The following RUFY3 variants were observed in gnomAD, a reference collection of about 807,000 sequenced individuals.
The protein encoded by RUFY3 is protein RUFY3.
A neutral mutation model predicts 84.0 loss-of-function variants in RUFY3; 34 were observed. The observed-to-expected ratio is 0.40, with a 90% CI of 0.31 to 0.54. The LOEUF is 0.54. RUFY3 is among the 20% of genes least tolerant of loss of function. The pLI is 0.39. For missense variants in RUFY3, 507 were observed against 736.8 expected (o/e 0.69, Z 3.61); for synonymous variants, 242 against 252.9 (o/e 0.96, Z 0.41).
At chr4:70,733,024 G>A (rs1358459509) in intron 1 of RUFY3, among the ~76,000 whole-genome samples, 3 of 150,206 alleles carry the variant, frequency 2.0e-5, no homozygotes, top group African/African-American at 7.4e-5. Context: ...CCAAGATCGC[G>A]CCACTGCACT....
chr4:70,794,802 C>G lies in RUFY3; in HGVS notation c.1465C>G (p.Leu489Val). The G allele has an allele frequency of 6.2e-7, 1 of 1,609,624 alleles. No homozygotes were observed. Among genetic ancestry groups the G allele is most frequent in the Non-Finnish European group, 8.5e-7 (1 of 1,176,482 alleles). ...VEELTRQRNQ[L>V]ELELKQEKER... ...CTCTCCAACTTACCTCAGGAACCAG[C>G]TTGAGTTAGAACTAAAACAGGAAAA... is the stretch of plus-strand genomic sequence containing the variant. The change falls in exon 14 of 18, where the codon CTT (leucine) becomes GTT (valine). Residue 489 changes from leucine to valine, a missense_variant. By Grantham distance (32) the Leu-to-Val change is conservative. This residue lies in a region of RUFY3 where 334 missense variants were observed against 364.1 expected (regional missense o/e 0.92). Transcript: ENST00000381006.
intron 12 of RUFY3, among the ~76,000 whole-genome samples, chr4:70,791,059 T>C (rs1401716382): frequency 1.3e-5 from 2 of 152,204 alleles, no homozygotes; most frequent in East Asian, 3.8e-4. Context: ...ATGTATCAAA[T>C]TTCTTTTCAA....
At chr4:70,787,280 T>C (rs1578219518) in intron 10 of RUFY3, among the ~76,000 whole-genome samples, 3 of 142,868 alleles carry the variant, frequency 2.1e-5, no homozygotes, top group South Asian at 2.2e-4. Context: ...TTTTTTGAGA[T>C]GGAGTCTTGC....
intron 1 of RUFY3, among the ~76,000 whole-genome samples, chr4:70,741,162 AT>A (rs767040156): frequency 0.034 from 4,918 of 142,836 alleles, 149 homozygotes; most frequent in African/African-American, 0.051. Context: ...AAGTATTTGG[AT>A]TTTTTTTTTT....
chr4:70,802,867 T>A (rs1349478943), intron 15 of RUFY3, 89 bp from the exon 16 acceptor site: 10 of 867,314 alleles, frequency 1.2e-5, no homozygotes, highest in Middle Eastern at 2.4e-4. Flanking sequence ...TTGAAAAAAA[T>A]GTTTGTATTC....
At position 70,755,950 on chromosome 4, in the gene RUFY3, CG is replaced by C. The variant is rs201102866; in HGVS notation, c.179-6568del. 9.4e-3 allele frequency among the ~76,000 whole-genome samples: 1,284 copies of C among 137,208 alleles called. 15 individuals are homozygous for C. Among genetic ancestry groups the C allele is most frequent in the African/African-American group, 0.035 (1,224 of 35,414 alleles). 90.0% of individuals were successfully genotyped at this position (137,208 alleles called of 152,430 possible). ...CGGGTGACAGAGCGAGATTCTGTCT[CG>C]AAAAAAAAAAAAAGGAAAAAAAGAA... On this transcript the variant is annotated intron_variant, in intron 1 of 17. Coordinates refer to ENST00000381006, the MANE Select transcript of RUFY3 (RefSeq NM_001037442.4).
chr4:70,779,682 A>G (rs1212779310), intron 8 of RUFY3, among the ~76,000 whole-genome samples: 1 of 150,750 alleles, frequency 6.6e-6, no homozygotes, highest in Non-Finnish European at 1.5e-5. Flanking sequence ...CCCCGGGCTC[A>G]AGTGATCTCC....
chr4:70,794,371 A>G (rs1177241231), intron 13 of RUFY3, among the ~76,000 whole-genome samples: 1 of 152,206 alleles, frequency 6.6e-6, no homozygotes, highest in Non-Finnish European at 1.5e-5. Context: ...ACCTGAGGTC[A>G]GGAGTTCCAG....
At chr4:70,759,455 G>A (rs750855070) in intron 1 of RUFY3, among the ~76,000 whole-genome samples, 7 of 151,452 alleles carry the variant, frequency 4.6e-5, no homozygotes, top group Non-Finnish European at 1.0e-4. Context: ...TCATATCTTG[G>A]TTATTGTGAA....
intron 1 of RUFY3, among the ~76,000 whole-genome samples, chr4:70,726,992 G>A (rs1718360155): frequency 7.9e-6 from 1 of 126,656 alleles, no homozygotes; most frequent in Non-Finnish European, 1.7e-5. Flanking sequence ...TCAGACTTTT[G>A]TTTGTTTGTT....
chr4:70,728,298 G>C (rs943138922), intron 1 of RUFY3, among the ~76,000 whole-genome samples: 2 of 152,186 alleles, frequency 1.3e-5, no homozygotes, highest in Non-Finnish European at 2.9e-5. Flanking sequence ...GTGGCTGATC[G>C]TGTGGCTGAC....
chr4:70,725,331 C>G (rs1204361896), intron 1 of RUFY3, among the ~76,000 whole-genome samples: 2 of 151,578 alleles, frequency 1.3e-5, no homozygotes, highest in South Asian at 2.1e-4. Flanking sequence ...GTCTTATATA[C>G]TCTTTTTTTT....
In RUFY3 at chr4:70,773,581, A is replaced by G. The variant is rs116225803; in HGVS notation, c.758+9A>G. The G allele has an allele frequency of 1.5e-3, 2,360 of 1,596,388 alleles. 23 individuals carry two copies. In the African/African-American group the frequency reaches 0.028, roughly 19 times the overall value. On this transcript the variant is annotated intron_variant, in intron 6 of 17. Transcript: ENST00000381006. The stretch of plus-strand genomic sequence containing the variant: ...AGTAAAGGTACTGAAGGGTACGTAC[A>G]AAGAAAATTAGATTTCTTTTCTCCT...
intron 10 of RUFY3, among the ~76,000 whole-genome samples, chr4:70,788,274 G>C (rs1730237835): frequency 6.9e-6 from 1 of 145,714 alleles, no homozygotes; most frequent in Non-Finnish European, 1.5e-5. Flanking sequence ...GACAGAGCGA[G>C]ACTCTGTCTC....
intron 5 of RUFY3, among the ~76,000 whole-genome samples, chr4:70,769,437 C>T (rs929701578): frequency 1.3e-5 from 2 of 152,152 alleles, no homozygotes; most frequent in African/African-American, 2.4e-5. Context: ...CTTAAAAATA[C>T]TTTATTGCTA....
intron 1 of RUFY3, among the ~76,000 whole-genome samples, chr4:70,744,358 TTATGTATG>T (rs113177648): frequency 2.7e-5 from 4 of 150,622 alleles, no homozygotes; most frequent in East Asian, 2.0e-4. Flanking sequence ...TGGCTAATTT[TTATGTATG>T]TATGTATGTA....
At chr4:70,761,376 G>A (rs945375450) in intron 1 of RUFY3, among the ~76,000 whole-genome samples, 1 of 152,210 alleles carries the variant, frequency 6.6e-6, no homozygotes, top group African/African-American at 2.4e-5. Flanking sequence ...TGGTCAGGAG[G>A]AGTCTGGCCT....
chr4:70,774,885 T>C (rs932404861), intron 6 of RUFY3, among the ~76,000 whole-genome samples: 2 of 151,938 alleles, frequency 1.3e-5, no homozygotes, highest in East Asian at 1.9e-4. Flanking sequence ...TTTAAATGCG[T>C]CTAATAGATT....
intron 1 of RUFY3, among the ~76,000 whole-genome samples, chr4:70,708,089 C>T (rs1187774888): frequency 1.3e-5 from 2 of 152,176 alleles, no homozygotes; most frequent in Non-Finnish European, 2.9e-5. Context: ...CACCATTGCA[C>T]TCCTGCCTGA....
Sources: gnomAD v4.1 joint callset for allele counts (sites outside exome capture counted in the v4.1 genomes callset) on GRCh38, gnomAD v4.1.1 for gene constraint, gnomAD v4.1.1 regional missense constraint, MANE v1.5 for transcripts, NCBI Gene and HGNC (gene_info 2026-07-23, HGNC 2026-07-21) for gene names.